The following WDR41 variants were observed in gnomAD, a reference collection of about 807,000 sequenced individuals.
WDR41 encodes WD repeat domain 41.
WDR41 carries 63 observed loss-of-function variants against 69.3 expected under a neutral mutation model. The ratio of observed to expected loss-of-function variants is 0.91; its 90% CI spans 0.74 to 1.12. WDR41 has a LOEUF of 1.12. Among genes scored for constraint, WDR41 ranks in the 50% most tolerant of loss-of-function variants. The pLI is 0.00. For missense variants in WDR41, 543 were observed against 534.5 expected (o/e 1.02, Z -0.16); for synonymous variants, 185 against 192.1 (o/e 0.96, Z 0.31).
chr5:77,616,423 G>T (rs1235184476), intron 1 of WDR41, among the ~76,000 whole-genome samples: 1 of 152,170 alleles, frequency 6.6e-6, no homozygotes, highest in Admixed American at 6.5e-5. Context: ...CAGCACATCT[G>T]ACCAGGTCCA....
At chr5:77,486,888 C>T (rs1332355611) in intron 2 of WDR41, among the ~76,000 whole-genome samples, 6 of 97,118 alleles carry the variant, frequency 6.2e-5, no homozygotes, top group African/African-American at 4.3e-4. Flanking sequence ...TGACAGCTGA[C>T]AGAGCATATA....
Position 77,492,275 on chromosome 5 carries a change from C to T in WDR41, c.-55G>A. 6.2e-7 allele frequency: 1 copy of T among 1,604,492 alleles called. No individual in the cohort carries two copies. The highest frequency in any genetic ancestry group is 1.1e-5 in the South Asian group (1 of 90,084). ...AGCCCCAGTCAGCCCAAACTCCGCC[C>T]CAGGCTCGGCCTCCTCCTTCCTCCC... On this transcript the variant is annotated 5_prime_UTR_variant, in exon 1 of 13. Transcript: ENST00000296679.
intron 1 of WDR41, among the ~76,000 whole-genome samples, chr5:77,596,321 T>C (rs1365120681): frequency 6.6e-6 from 1 of 152,140 alleles, no homozygotes; most frequent in Non-Finnish European, 1.5e-5. Flanking sequence ...CTAAGTTTTG[T>C]GTTTTTAGTG....
chr5:77,598,277 C>A (rs1276597952), intron 1 of WDR41, among the ~76,000 whole-genome samples: 2 of 152,174 alleles, frequency 1.3e-5, no homozygotes, highest in African/African-American at 2.4e-5. Flanking sequence ...GAGCTTCAGA[C>A]CTAGGTTTAT....
At position 77,501,242 on chromosome 5, in the gene WDR41, G is replaced by A. The variant is rs186574005; in HGVS notation, c.43-11670C>T. ...GATTCTCTCCCATTTCTGGCTCAGC[G>A]GGCCCCACACCCACAGGGCCTTGCT... On this transcript the variant is annotated intron_variant, in intron 1 of 5. Transcript: ENST00000509971. Among the ~76,000 whole-genome samples the A allele has an allele frequency of 1.8e-3, 279 of 152,346 alleles. 1 individual carries two copies. Among genetic ancestry groups the A allele is most frequent in the African/African-American group, 4.9e-3 (204 of 41,572 alleles).
chr5:77,435,674 G>C (rs1798912328), intron 12 of WDR41, among the ~76,000 whole-genome samples: 1 of 152,184 alleles, frequency 6.6e-6, no homozygotes. Context: ...TACCTCAACT[G>C]ATCTTATTCC....
intron 1 of WDR41, among the ~76,000 whole-genome samples, chr5:77,603,779 T>G (rs2112328236): frequency 6.6e-6 from 1 of 152,310 alleles, no homozygotes; most frequent in African/African-American, 2.4e-5. Context: ...TCCAGTTTGA[T>G]TCTTCTGCAT....
intron 1 of WDR41, among the ~76,000 whole-genome samples, chr5:77,538,841 A>G (rs1030198244): frequency 1.3e-5 from 2 of 152,198 alleles, no homozygotes; most frequent in African/African-American, 4.8e-5. Context: ...CTGGTAAACT[A>G]GAGAGGTTTT....
rs181212107 is a variant in WDR41, at chr5:77,582,827, A to G, written c.42+37652T>C. On this transcript the variant is annotated intron_variant, in intron 1 of 5. Coordinates refer to the WDR41 transcript ENST00000509971. ...GGGTACCCCAATCTGAAGTCAGTAA[A>G]TGAACTAATCTACAAGCGTGGTTAT... The G allele has an allele frequency of 3.2e-4, 511 of 1,601,874 alleles. 3 individuals are homozygous for G. In the African/African-American group the frequency reaches 6.3e-3, roughly 20 times the overall value.
upstream of WDR41, chr5:77,492,508 G>C (rs1013927145): frequency 5.3e-6 from 2 of 380,678 alleles, no homozygotes; most frequent in Non-Finnish European, 9.3e-6. Context: ...TGCTCCGAGT[G>C]AGCACGCGCG....
At chr5:77,557,393 A>G (rs934651654) in intron 1 of WDR41, among the ~76,000 whole-genome samples, 5 of 152,220 alleles carry the variant, frequency 3.3e-5, no homozygotes, top group African/African-American at 1.2e-4. Flanking sequence ...ACTATAAGTC[A>G]CCAGAGAAAC....
intron 1 of WDR41, among the ~76,000 whole-genome samples, chr5:77,559,510 TACA>T (rs1743480224): frequency 1.3e-5 from 2 of 152,152 alleles, no homozygotes; most frequent in South Asian, 4.1e-4. Context: ...CCCAATCCAG[TACA>T]ACAATTAGTA....
At chr5:77,503,404 T>C (rs971169235) in intron 1 of WDR41, among the ~76,000 whole-genome samples, 2 of 152,108 alleles carry the variant, frequency 1.3e-5, no homozygotes, top group Non-Finnish European at 2.9e-5. Context: ...CAAAGAGACT[T>C]AGACTCCCAC....
chr5:77,461,716 T>C (rs1376776811), intron 4 of WDR41, among the ~76,000 whole-genome samples: 1 of 151,954 alleles, frequency 6.6e-6, no homozygotes, highest in Admixed American at 6.6e-5. Flanking sequence ...CAGGCGCCTG[T>C]AGTCCCAGCT....
rs1561728774 is a variant in WDR41, at chr5:77,441,003, C to G, written c.698-6G>C. The G allele has an allele frequency of 1.9e-6, 3 of 1,612,938 alleles. No individual in the cohort carries two copies. Among genetic ancestry groups the G allele is most frequent in the Non-Finnish European group, 2.5e-6 (3 of 1,179,416 alleles). On this transcript the variant is annotated splice_region_variant and splice_polypyrimidine_tract_variant and intron_variant, in intron 8 of 12. Transcript: ENST00000296679. ...GCCGGTGACAAAACTCAAATCTAGG[C>G]AAAGTTCACATATGCCTCATTATCG...
chr5:77,548,308 T>G (rs1743234570), intron 1 of WDR41, among the ~76,000 whole-genome samples: 2 of 152,200 alleles, frequency 1.3e-5, no homozygotes, highest in African/African-American at 2.4e-5. Flanking sequence ...AAATAGCTTT[T>G]GCACAGCAAA....
At chr5:77,564,334 G>T (rs1159621638) in intron 1 of WDR41, among the ~76,000 whole-genome samples, 1 of 152,148 alleles carries the variant, frequency 6.6e-6, no homozygotes, top group South Asian at 2.1e-4. Context: ...CAAGAGAATT[G>T]CTTGAGGCCA....
At chr5:77,535,880 A>G (rs1029107269) in intron 1 of WDR41, among the ~76,000 whole-genome samples, 1 of 152,208 alleles carries the variant, frequency 6.6e-6, no homozygotes, top group Non-Finnish European at 1.5e-5. Context: ...GGTGTAAGAC[A>G]ATCTTAGCTC....
At chr5:77,544,285 A>G (rs1323508980) in intron 1 of WDR41, among the ~76,000 whole-genome samples, 2 of 152,128 alleles carry the variant, frequency 1.3e-5, no homozygotes, top group Non-Finnish European at 2.9e-5. Flanking sequence ...TATACAGGCA[A>G]CGAATAGCAC....
Sources: allele counts gnomAD v4.1 joint callset (sites outside exome capture counted in the v4.1 genomes callset), GRCh38; gene constraint gnomAD v4.1.1; transcripts MANE v1.5; gene names NCBI Gene and HGNC (gene_info 2026-07-23, HGNC 2026-07-21).